LRP1B: variants seen among roughly 807,000 people sequenced by gnomAD.
LRP1B encodes the protein low-density lipoprotein receptor-related protein 1B.
In LRP1B, 217 loss-of-function variants were observed where a neutral mutation model predicts 556.6. The ratio of observed to expected loss-of-function variants is 0.39; its 90% CI spans 0.35 to 0.44. LRP1B has a LOEUF of 0.44. Ranked by LOEUF, LRP1B falls within the 20% of genes least tolerant of loss-of-function variation. The pLI, the probability that LRP1B is intolerant of heterozygous loss-of-function variation, is 1.00. For synonymous variants in LRP1B, 2,047 were observed against 1,865.8 expected (o/e 1.10, Z -2.50); for missense variants, 5,053 against 5,620.8 (o/e 0.90, Z 3.23).
intron 7 of LRP1B, among the ~76,000 whole-genome samples, chr2:141,185,174 C>T (rs934957914): frequency 6.6e-6 from 1 of 152,012 alleles, no homozygotes; most frequent in African/African-American, 2.4e-5. Flanking sequence ...AACAGCCCTG[C>T]AGGGCAGCAC....
chr2:140,266,595 C>A (rs975921193), intron 86 of LRP1B, among the ~76,000 whole-genome samples: 4 of 152,000 alleles, frequency 2.6e-5, no homozygotes, highest in African/African-American at 4.8e-5. Flanking sequence ...GTGCATATAA[C>A]CTTTTTCTAT....
intron 6 of LRP1B, among the ~76,000 whole-genome samples, chr2:141,228,501 T>C (rs952985547): frequency 4.0e-5 from 6 of 148,728 alleles, no homozygotes; most frequent in African/African-American, 1.5e-4. Context: ...TGTATGAGTG[T>C]GTGTGTGTAC....
intron 41 of LRP1B, among the ~76,000 whole-genome samples, chr2:140,619,254 A>G (rs1470161715): frequency 2.6e-5 from 4 of 151,950 alleles, no homozygotes; most frequent in Non-Finnish European, 4.4e-5. Context: ...TAAACTTACA[A>G]ATTTGTTTAG....
At chr2:141,398,383 A>T (rs1468176052) in intron 3 of LRP1B, among the ~76,000 whole-genome samples, 3 of 152,216 alleles carry the variant, frequency 2.0e-5, no homozygotes, top group African/African-American at 7.2e-5. Flanking sequence ...AACTAATGTA[A>T]CTGTAACCTA....
intron 7 of LRP1B, among the ~76,000 whole-genome samples, chr2:141,135,469 C>T (rs1272256757): frequency 2.0e-5 from 3 of 151,924 alleles, no homozygotes; most frequent in Non-Finnish European, 4.4e-5. Flanking sequence ...AAAACCAACA[C>T]ATATTGTCAT....
chr2:141,199,486 TAA>T (rs1681905454), intron 6 of LRP1B, among the ~76,000 whole-genome samples: 1 of 152,140 alleles, frequency 6.6e-6, no homozygotes, highest in African/African-American at 2.4e-5. Flanking sequence ...GGAGAGAATT[TAA>T]AGTCTTTAAT....
intron 7 of LRP1B, among the ~76,000 whole-genome samples, chr2:141,159,090 T>A (rs1452643418): frequency 1.3e-5 from 2 of 152,168 alleles, no homozygotes; most frequent in African/African-American, 4.8e-5. Context: ...AGGAAATGAA[T>A]AAAAGACAAA....
At chr2:141,096,638 G>GAC (rs1700320970) in intron 7 of LRP1B, among the ~76,000 whole-genome samples, 3 of 70,594 alleles carry the variant, frequency 4.2e-5, no homozygotes, top group African/African-American at 1.6e-4. Context: ...GGGAGAGAGA[G>GAC]AGAGAGAGAG....
chr2:141,611,191 C>T (rs1278018396), intron 2 of LRP1B, among the ~76,000 whole-genome samples: 5 of 152,194 alleles, frequency 3.3e-5, no homozygotes, highest in African/African-American at 1.2e-4. Flanking sequence ...GGAGCTACAT[C>T]TCCTCTGTAG....
intron 3 of LRP1B, among the ~76,000 whole-genome samples, chr2:141,262,698 C>G (rs915276333): frequency 6.6e-6 from 1 of 152,136 alleles, no homozygotes; most frequent in South Asian, 2.1e-4. Context: ...TATCTTTGTA[C>G]CTTTGTCAAA....
At chr2:140,874,890 G>T (rs1210748942) in intron 25 of LRP1B, among the ~76,000 whole-genome samples, 3 of 151,844 alleles carry the variant, frequency 2.0e-5, no homozygotes, top group Non-Finnish European at 4.4e-5. Context: ...GTGGTGGCAG[G>T]CACCTGTAAT....
intron 66 of LRP1B, among the ~76,000 whole-genome samples, chr2:140,389,972 A>C (rs932376959): frequency 6.6e-6 from 1 of 151,892 alleles, no homozygotes; most frequent in Non-Finnish European, 1.5e-5. Context: ...CTACTAAAAA[A>C]CATGAAAATT....
chr2:140,877,275 T>A (rs1046546105), intron 25 of LRP1B, among the ~76,000 whole-genome samples: 1 of 152,154 alleles, frequency 6.6e-6, no homozygotes, highest in Admixed American at 6.6e-5. Context: ...CCAGGATTAT[T>A]CTTTTGTTTG....
At position 140,830,513 on chromosome 2, in the gene LRP1B, T is replaced by C. The variant is rs114279312; in HGVS notation, c.5209+9478A>G. ...GAAGGACAAAAGACATATAATCATT[T>C]CCTTAGATGAAAAAGCATTTTAAAA... is the stretch of plus-strand genomic sequence containing the variant. On this transcript the variant is annotated intron_variant, in intron 31 of 90. Transcript: ENST00000389484. Among the ~76,000 whole-genome samples, 737 of 152,168 alleles carry C rather than the reference T, an allele frequency of 4.8e-3. 11 individuals carry two copies. The highest frequency in any genetic ancestry group is 0.016 in the African/African-American group (675 of 41,558).
intron 41 of LRP1B, among the ~76,000 whole-genome samples, chr2:140,625,534 G>A (rs559805816): frequency 1.6e-4 from 24 of 152,134 alleles, no homozygotes; most frequent in African/African-American, 5.8e-4. Context: ...AACTCAACAA[G>A]AGAAAAATGA....
chr2:140,535,889 C>G lies in LRP1B; in HGVS notation c.7642+692G>C, dbSNP rs192782523. 3.9e-5 allele frequency among the ~76,000 whole-genome samples: 6 copies of G among 152,164 alleles called. No homozygotes were observed. In the East Asian group the frequency reaches 1.2e-3, roughly 30 times the overall value. On this transcript the variant is annotated intron_variant, in intron 46 of 90. Transcript: ENST00000389484. ...GGTGCAATTCTATGTTTGATGTGGA[C>G]CATGCCTAAGGCAATGAGCCTTTGT...
At chr2:141,238,981 G>A (rs565239667) in intron 5 of LRP1B, among the ~76,000 whole-genome samples, 1 of 152,090 alleles carries the variant, frequency 6.6e-6, no homozygotes, top group African/African-American at 2.4e-5. Context: ...TAAAAACTGG[G>A]GAGTCTCAGT....
intron 1 of LRP1B, among the ~76,000 whole-genome samples, chr2:141,962,718 T>C (rs7599985): frequency 0.094 from 14,305 of 151,860 alleles, 694 homozygotes; most frequent in Middle Eastern, 0.19. Context: ...TAAAAGTATC[T>C]AATAACACCA....
intron 2 of LRP1B, among the ~76,000 whole-genome samples, chr2:141,517,938 G>A (rs888483095): frequency 2.0e-5 from 3 of 152,118 alleles, no homozygotes; most frequent in East Asian, 1.9e-4. Context: ...TGGCTCTCAT[G>A]TATTCACTCA....
Sources: gnomAD v4.1 joint callset for allele counts (sites outside exome capture counted in the v4.1 genomes callset) on GRCh38, gnomAD v4.1.1 for gene constraint, MANE v1.5 for transcripts, NCBI Gene and HGNC (gene_info 2026-07-23, HGNC 2026-07-21) for gene names.